Variants in DNAH11 observed in about 807,000 individuals in gnomAD.
The protein encoded by DNAH11 is dynein axonemal heavy chain 11.
DNAH11 carries 442 observed loss-of-function variants against 526.0 expected under a neutral mutation model. The observed-to-expected ratio is 0.84, with a 90% confidence interval of 0.78 to 0.91. DNAH11 has a LOEUF of 0.91. Ranked by LOEUF, DNAH11 falls within the 40% of genes least tolerant of loss-of-function variation. The pLI is 0.00. For synonymous variants in DNAH11, 2,461 were observed against 1,935.9 expected, an observed-to-expected ratio of 1.27 and a Z score of -7.12; for missense variants, 6,989 against 5,448.7, an observed-to-expected ratio of 1.28 and a Z score of -8.90.
At chr7:21,843,449 A>G (rs1159510388) in intron 66 of DNAH11, among the ~76,000 whole-genome samples, 3 of 151,618 alleles carry the variant, frequency 2.0e-5, no homozygotes. Flanking sequence ...CAGATTAAAA[A>G]CTATAAAGGA....
intron 55 of DNAH11, among the ~76,000 whole-genome samples, chr7:21,773,094 G>A (rs908826227): frequency 1.4e-5 from 2 of 142,300 alleles, no homozygotes; most frequent in Admixed American, 6.8e-5. Context: ...AAATGAGGGA[G>A]ATGTGACTCT....
chr7:21,596,173 G>A (rs1482291379), intron 14 of DNAH11, among the ~76,000 whole-genome samples: 1 of 152,166 alleles, frequency 6.6e-6, no homozygotes, highest in Non-Finnish European at 1.5e-5. Context: ...CTTTGTTTCT[G>A]TCTTCTTTGA....
rs146409469 is a variant in DNAH11, at chr7:21,718,188, G to GTTTTT, written c.7134+263_7134+264insTTTTT. On this transcript the variant is annotated intron_variant, in intron 43 of 81. Transcript: ENST00000409508. ...AAGAAGGTTAGAACCATGTTTTACT[G>GTTTTT]ATTTTTTTTTAGTATCCCCAGATAG... Among the ~76,000 whole-genome samples, 760 of 151,346 alleles carry GTTTTT rather than the reference G, an allele frequency of 5.0e-3. 6 individuals are homozygous for GTTTTT. Among genetic ancestry groups the GTTTTT allele is most frequent in the Middle Eastern group, 0.017 (5 of 290 alleles).
At chr7:21,748,448 C>A in intron 51 of DNAH11, 132 bp from the exon 52 acceptor site, 1 of 1,030,500 alleles carries the variant, frequency 9.7e-7, no homozygotes, top group Non-Finnish European at 1.3e-6. Flanking sequence ...AAGATCGCGC[C>A]ACTGCACTCC....
At position 21,690,957 on chromosome 7, in the gene DNAH11, G is replaced by A. The variant is rs72657338; in HGVS notation, c.6041+76G>A. On this transcript the variant is annotated intron_variant, in intron 35 of 81. Coordinates refer to ENST00000409508, the MANE Select transcript of DNAH11 (RefSeq NM_001277115.2). Reference sequence around the variant, plus strand: ...TGTTGTTGGTTTGCACTGTTAAGTGGTTTGCTTTTACTTGAAAATTCCTAA... The same window carrying A: ...TGTTGTTGGTTTGCACTGTTAAGTGATTTGCTTTTACTTGAAAATTCCTAA... 0.061 allele frequency: 67,182 copies of A among 1,100,812 alleles called. 2,584 individuals carry two copies. The highest frequency in any genetic ancestry group is 0.19 in the East Asian group (7,197 of 38,600). The allele number at this position is 1,100,812 out of a possible 1,614,324, so 68.2% of individuals were successfully genotyped here.
At chr7:21,558,442 T>C (rs1207712108) in intron 2 of DNAH11, among the ~76,000 whole-genome samples, 1 of 152,208 alleles carries the variant, frequency 6.6e-6, no homozygotes. Flanking sequence ...TTCCATATGA[T>C]TCAGAAAGAT....
chr7:21,672,762 A>G (rs1401761363), intron 30 of DNAH11, among the ~76,000 whole-genome samples: 4 of 152,198 alleles, frequency 2.6e-5, no homozygotes, highest in Non-Finnish European at 4.4e-5. Context: ...ATTTAGGGAC[A>G]CACTCTTTAA....
At chr7:21,862,806 G>A (rs1025734259) in intron 69 of DNAH11, among the ~76,000 whole-genome samples, 2 of 152,006 alleles carry the variant, frequency 1.3e-5, no homozygotes, top group African/African-American at 2.4e-5. Context: ...GGCCGGGCAC[G>A]GTGGCTCACG....
chr7:21,643,539 A>G (rs934503372), intron 28 of DNAH11, among the ~76,000 whole-genome samples: 3 of 152,230 alleles, frequency 2.0e-5, no homozygotes, highest in Non-Finnish European at 4.4e-5. Flanking sequence ...TGTGATTCTT[A>G]TATGGCTACT....
chr7:21,775,482 G>A (rs976045054), intron 56 of DNAH11, among the ~76,000 whole-genome samples: 2 of 151,972 alleles, frequency 1.3e-5, no homozygotes, highest in African/African-American at 4.8e-5. Flanking sequence ...GCCGAGCATG[G>A]TGGCGCACAC....
intron 2 of DNAH11, among the ~76,000 whole-genome samples, chr7:21,553,833 C>T (rs1403066339): frequency 6.6e-6 from 1 of 152,132 alleles, no homozygotes; most frequent in South Asian, 2.1e-4. Flanking sequence ...TTTTCTTCCT[C>T]TCTCCCTACA....
At chr7:21,834,083 G>A (rs1781894404) in intron 65 of DNAH11, among the ~76,000 whole-genome samples, 1 of 152,116 alleles carries the variant, frequency 6.6e-6, no homozygotes, top group African/African-American at 2.4e-5. Context: ...TTTTCTCCAG[G>A]ATAGGACATA....
At chr7:21,604,076 T>G (rs1304817810) in intron 18 of DNAH11, among the ~76,000 whole-genome samples, 2 of 152,188 alleles carry the variant, frequency 1.3e-5, no homozygotes, top group Non-Finnish European at 2.9e-5. Flanking sequence ...CAACTTCAAG[T>G]GATAGTTACT....
At chr7:21,720,189 G>A (rs1032833813) in intron 43 of DNAH11, among the ~76,000 whole-genome samples, 3 of 152,164 alleles carry the variant, frequency 2.0e-5, no homozygotes, top group Non-Finnish European at 4.4e-5. Flanking sequence ...TTATGACAAC[G>A]GGTGGGAAAC....
At chr7:21,819,600 A>C (rs377215762) in intron 65 of DNAH11, among the ~76,000 whole-genome samples, 1 of 152,198 alleles carries the variant, frequency 6.6e-6, no homozygotes, top group Non-Finnish European at 1.5e-5. Context: ...TAAAATTTTT[A>C]TCAGTGAAAT....
At chr7:21,726,648 T>A (rs1785117663) in intron 45 of DNAH11, among the ~76,000 whole-genome samples, 1 of 151,006 alleles carries the variant, frequency 6.6e-6, no homozygotes, top group Non-Finnish European at 1.5e-5. Context: ...GATCACGAGG[T>A]CAGGAGATCG....
At chr7:21,571,661 T>C (rs1783895521) in intron 7 of DNAH11, 145 bp from the exon 8 acceptor site, 3 of 614,694 alleles carry the variant, frequency 4.9e-6, no homozygotes, top group East Asian at 3.1e-5. Context: ...TAAATACTTA[T>C]TTCTGTCATG....
intron 45 of DNAH11, among the ~76,000 whole-genome samples, chr7:21,727,091 G>A (rs556330023): frequency 1.3e-5 from 2 of 150,408 alleles, no homozygotes; most frequent in South Asian, 2.1e-4. Flanking sequence ...CCGCCACCAC[G>A]CCCGGCTAAT....
At position 21,796,211 on chromosome 7, in the gene DNAH11, G is replaced by A. The variant is rs144694423; in HGVS notation, c.10027-4926G>A. 5.7e-3 allele frequency among the ~76,000 whole-genome samples: 874 copies of A among 152,288 alleles called. 5 individuals carry two copies. The highest frequency in any genetic ancestry group is 0.02 in the African/African-American group (821 of 41,554). On this transcript the variant is annotated intron_variant, in intron 61 of 81. Transcript: ENST00000409508. ...ATAGTAGTTGTATTTTCTTTTAACC[G>A]TGTTATAGACAATGATTAAGGCAAA...
Sources: gnomAD v4.1 joint callset for allele counts (sites outside exome capture counted in the v4.1 genomes callset) on GRCh38, gnomAD v4.1.1 for gene constraint, MANE v1.5 for transcripts, NCBI Gene and HGNC (gene_info 2026-07-23, HGNC 2026-07-21) for gene names.